ZNF335: variants seen among roughly 807,000 people sequenced by gnomAD.
ZNF335 encodes zinc finger protein 335.
A neutral mutation model predicts 145.6 loss-of-function variants in ZNF335; 84 were observed. The observed-to-expected ratio is 0.58, with a 90% CI of 0.48 to 0.69. The LOEUF is 0.69. ZNF335 is among the 30% of genes least tolerant of loss of function. ZNF335 has a pLI of 0.00. For missense variants in ZNF335, 1,865 were observed against 1,809.7 expected, an observed-to-expected ratio of 1.03 and a Z score of -0.55; for synonymous variants, 761 against 717.0, an observed-to-expected ratio of 1.06 and a Z score of -0.98.
chr20:45,965,615 G>A lies in ZNF335; in HGVS notation c.1102+13C>T. ...ACCCACCCACACGAGCCCCTCCCAA[G>A]ACCAAGCCTCACCATCTGGGAGGTC... is the stretch of plus-strand genomic sequence containing the variant. On this transcript the variant is annotated intron_variant, in intron 7 of 27. Coordinates refer to ENST00000322927, the MANE Select transcript of ZNF335 (RefSeq NM_022095.4). The A allele has an allele frequency of 6.3e-7, 1 of 1,591,538 alleles. No individual in the cohort carries two copies. The highest frequency in any genetic ancestry group is 8.5e-7 in the Non-Finnish European group (1 of 1,171,082).
intron 7 of ZNF335, 24 bp from the exon 8 acceptor site, chr20:45,964,014 A>G: frequency 6.6e-7 from 1 of 1,512,518 alleles, no homozygotes; most frequent in South Asian, 1.3e-5. Context: ...GCCAGGTCAC[A>G]AGCCAGCCAC....
intron 17 of ZNF335, 69 bp downstream of exon 17, chr20:45,957,517 C>T: frequency 6.9e-7 from 1 of 1,445,460 alleles, no homozygotes; most frequent in Non-Finnish European, 9.7e-7. Context: ...TTCCTCTAGT[C>T]CCAGTGTCCA....
At chr20:45,968,601 C>A in intron 3 of ZNF335, 1 of 454,758 alleles carries the variant, frequency 2.2e-6, no homozygotes, top group Non-Finnish European at 4.0e-6. Flanking sequence ...CACAAGATGC[C>A]ACAGCTACAC....
rs202201872 is a variant in ZNF335, at chr20:45,960,173, G to A, written c.2020+35C>T. On this transcript the variant is annotated intron_variant, in intron 14 of 27. Coordinates refer to ENST00000322927, the MANE Select transcript of ZNF335 (RefSeq NM_022095.4). ...TGATCAGGGGTACAGGGCACTGAGG[G>A]CTGGTGAGTGGGGCTGGGGTGTGTC... 18 of 1,611,466 alleles carry A rather than the reference G, an allele frequency of 1.1e-5. No homozygotes were observed. The East Asian group carries it at 2.0e-4, about 18-fold the overall frequency.
Position 45,950,044 on chromosome 20 carries a change from G to A in ZNF335, c.3513C>T (p.Val1171=), listed in dbSNP as rs148062920. The A allele has an allele frequency of 6.2e-7, 1 of 1,613,848 alleles. No homozygotes were observed. The highest frequency in any genetic ancestry group is 8.5e-7 in the Non-Finnish European group (1 of 1,179,974). The stretch of plus-strand genomic sequence containing the variant: ...CCTGCTGTAGCCGCTCTGGGCCCAG[G>A]ACCCCGTGACTGGACTGGAGTGCAG... ...LHTALQSSHG[V]LGPERLQQAL... Residue 1171 remains valine (V), a synonymous_variant, in exon 23 of 28, where the codon GTC becomes GTT. Transcript: ENST00000322927.
At chr20:45,956,097 G>T (rs1262570401) in intron 17 of ZNF335, among the ~76,000 whole-genome samples, 2 of 152,192 alleles carry the variant, frequency 1.3e-5, no homozygotes, top group African/African-American at 4.8e-5. Context: ...AAAGGTCTAG[G>T]TGTTGGTATG....
At chr20:45,962,816 T>G (rs555172409) in intron 9 of ZNF335, among the ~76,000 whole-genome samples, 12 of 9,610 alleles carry the variant, frequency 1.2e-3, no homozygotes, top group Non-Finnish European at 8.2e-3. Context: ...TTTTTTTTTG[T>G]TTGTTTGTTT....
Position 45,971,451 on chromosome 20 carries a change from G to T in ZNF335, c.-41C>A. ...CCTGACAGCGGGGCGTAGGGTCTGG[G>T]AACTTCACTCTGAGAAGAGAGGTGA... On this transcript the variant is annotated 5_prime_UTR_variant, in exon 2 of 28. Transcript: ENST00000322927. 1 of 1,593,934 alleles carries T rather than the reference G, an allele frequency of 6.3e-7. No homozygotes were observed. The highest frequency in any genetic ancestry group is 8.5e-7 in the Non-Finnish European group (1 of 1,177,574).
At position 45,955,350 on chromosome 20, in the gene ZNF335, CAAA is replaced by C. The variant is rs61555698; in HGVS notation, c.2443-1405_2443-1403del. On this transcript the variant is annotated intron_variant, in intron 17 of 27. Coordinates refer to ENST00000322927, the MANE Select transcript of ZNF335 (RefSeq NM_022095.4). ...TGGGCAACAGAGCAAGACTCTGTCT[CAAA>C]AAAAAAAAAAAAAAAAAGATTTATA... Among the ~76,000 whole-genome samples the C allele has an allele frequency of 8.0e-4, 30 of 37,332 alleles. No individual in the cohort carries two copies. In the East Asian group the frequency reaches 0.014, roughly 17 times the overall value. The allele number at this position is 37,332 out of a possible 152,430, so 24.5% of individuals were successfully genotyped here. A position where few individuals can be genotyped will look rare whatever the true frequency, so the allele number is the denominator to read the frequency against.
chr20:45,951,135 G>A lies in ZNF335; in HGVS notation c.3190-540C>T, dbSNP rs965435152. Among the ~76,000 whole-genome samples, 3 of 152,204 alleles carry A rather than the reference G, an allele frequency of 2.0e-5. No individual in the cohort carries two copies. In the East Asian group the frequency reaches 5.8e-4, roughly 29 times the overall value. On this transcript the variant is annotated intron_variant, in intron 20 of 27. Transcript: ENST00000322927. ...TCAAACTCCCGACCTCAGGTGATCC[G>A]CCTGCCTCGGCCTCCCAAAGTGCTG...
intron 18 of ZNF335, 60 bp downstream of exon 18, chr20:45,953,629 C>G: frequency 6.3e-7 from 1 of 1,591,426 alleles, no homozygotes; most frequent in African/African-American, 1.3e-5. Context: ...GGGCCCAAAT[C>G]GGACCGACCG....
At chr20:45,971,655 G>A (rs1600556546) in intron 1 of ZNF335, 195 bp from the exon 2 acceptor site, 1 of 985,476 alleles carries the variant, frequency 1.0e-6, no homozygotes, top group Non-Finnish European at 1.2e-6. Flanking sequence ...CCAGGCTAAG[G>A]CCCTTCCCGG....
rs1046467360 is a variant in ZNF335 at position 45,971,524 on chromosome 20, C to T, written c.-50-64G>A. On this transcript the variant is annotated intron_variant, in intron 1 of 27. Coordinates refer to ENST00000322927, the MANE Select transcript of ZNF335 (RefSeq NM_022095.4). ...ATCTCCCCAGCCCCGGCAACCACGG[C>T]CACCCATTTGCACCCCTGCGCCCAT... is the stretch of plus-strand genomic sequence containing the variant. 3.3e-6 allele frequency: 5 copies of T among 1,508,408 alleles called. No homozygotes were observed. The Middle Eastern group carries it at 5.2e-4, about 156-fold the overall frequency. The allele number at this position is 1,508,408 out of a possible 1,614,324, so 93.4% of individuals were successfully genotyped here.
At chr20:45,950,432 C>G in intron 21 of ZNF335, 21 bp downstream of exon 21, 3 of 1,613,970 alleles carry the variant, frequency 1.9e-6, no homozygotes, top group Non-Finnish European at 2.5e-6. Context: ...GCAGTCCCCA[C>G]CCACCAGTAT....
chr20:45,963,245 TG>T (rs2083883849), intron 9 of ZNF335, among the ~76,000 whole-genome samples: 1 of 152,212 alleles, frequency 6.6e-6, no homozygotes, highest in African/African-American at 2.4e-5. Context: ...CTGTGCCGCC[TG>T]CAAAACCGCC....
chr20:45,949,292 C>A, intron 26 of ZNF335, 41 bp from the exon 27 acceptor site: 1 of 1,614,034 alleles, frequency 6.2e-7, no homozygotes, highest in Non-Finnish European at 8.5e-7. Flanking sequence ...CTGGAGAAAC[C>A]TGCCTGTGCC....
rs2084059549 is a variant in ZNF335, at chr20:45,971,214, G to A, written c.197C>T (p.Ser66Phe). 5 of 1,538,796 alleles carry A rather than the reference G, an allele frequency of 3.2e-6. No individual in the cohort carries two copies. The highest frequency in any genetic ancestry group is 4.4e-6 in the Non-Finnish European group (5 of 1,144,746). Reference sequence around the variant, plus strand: ...GCCGTCCAGCCGGGTCCATACCTGAGAACGGCTGCCGCGGTCCGAGCTTTG... The same window carrying A: ...GCCGTCCAGCCGGGTCCATACCTGAAAACGGCTGCCGCGGTCCGAGCTTTG... ...VGQSSDRGSRSQEEVSESSSS... is the reference protein window; with the variant it reads ...VGQSSDRGSRFQEEVSESSSS... The change falls in exon 2 of 28, where the codon TCT (serine) becomes TTT (phenylalanine). Residue 66 changes from serine to phenylalanine, a missense_variant. Physicochemically the swap from Ser to Phe is radical, Grantham distance 155. Transcript: ENST00000322927.
rs2083904089 is a variant in ZNF335, at chr20:45,964,007, A to G, written c.1103-17T>C. 3.3e-6 allele frequency: 5 copies of G among 1,513,374 alleles called. No homozygotes were observed. Among genetic ancestry groups the G allele is most frequent in the Non-Finnish European group, 4.4e-6 (5 of 1,133,472 alleles). 93.7% of individuals were successfully genotyped at this position (1,513,374 alleles called of 1,614,324 possible). On this transcript the variant is annotated splice_polypyrimidine_tract_variant and intron_variant, in intron 7 of 27. Coordinates refer to ENST00000322927, the MANE Select transcript of ZNF335 (RefSeq NM_022095.4). ...CTTCCACACCTGCCACGGACATGCC[A>G]GGTCACAAGCCAGCCACTGACACAC...
At chr20:45,971,965 G>T in intron 1 of ZNF335, 157 bp downstream of exon 1, 1 of 985,420 alleles carries the variant, frequency 1.0e-6, no homozygotes, top group Non-Finnish European at 1.2e-6. Context: ...CCGGGTTTCC[G>T]CTCAGGCAAG....
Sources: allele counts gnomAD v4.1 joint callset (sites outside exome capture counted in the v4.1 genomes callset), GRCh38; gene constraint gnomAD v4.1.1; transcripts MANE v1.5; gene names NCBI Gene and HGNC (gene_info 2026-07-23, HGNC 2026-07-21).